ERBB4: variants seen among roughly 807,000 people sequenced by gnomAD.
ERBB4 encodes the protein erb-b2 receptor tyrosine kinase 4, also known as receptor tyrosine-protein kinase erbB-4.
Under a neutral mutation model 158.0 loss-of-function variants are expected in ERBB4, and 42 were observed. The observed-to-expected ratio is 0.27, with a 90% CI of 0.21 to 0.34. ERBB4 has a LOEUF of 0.34. Among genes scored for constraint, ERBB4 ranks in the 10% least tolerant of loss-of-function variants. ERBB4 has a pLI of 1.00. For synonymous variants in ERBB4, 583 were observed against 558.7 expected (o/e 1.04, Z -0.61); for missense variants, 1,333 against 1,624.1 (o/e 0.82, Z 3.08).
chr2:212,034,594 A>G lies in ERBB4; in HGVS notation c.235-86978T>C, dbSNP rs539172571. ...AAATTATAGTCATGTATTTCTTTAT[A>G]GAAATAGATAATGGGAGTACATAAA... On this transcript the variant is annotated intron_variant, in intron 2 of 27. Transcript: ENST00000342788. 3.3e-5 allele frequency among the ~76,000 whole-genome samples: 5 copies of G among 152,284 alleles called. No homozygotes were observed. The East Asian group carries it at 9.7e-4, about 29-fold the overall frequency.
chr2:211,734,782 G>A (rs191132667), intron 5 of ERBB4, among the ~76,000 whole-genome samples: 19 of 151,530 alleles, frequency 1.3e-4, no homozygotes, highest in Admixed American at 5.9e-4. Context: ...TTAGCCAGGC[G>A]TGGTGGCGGG....
At chr2:211,909,903 T>G (rs1173625799) in intron 3 of ERBB4, among the ~76,000 whole-genome samples, 1 of 151,716 alleles carries the variant, frequency 6.6e-6, no homozygotes, top group East Asian at 2.0e-4. Context: ...TCTGTATAAG[T>G]TAAGTTTAAT....
At chr2:212,231,296 A>T (rs989527494) in intron 1 of ERBB4, among the ~76,000 whole-genome samples, 1 of 152,198 alleles carries the variant, frequency 6.6e-6, no homozygotes, top group African/African-American at 2.4e-5. Context: ...CGAAAGGAAA[A>T]AAAAAACAGG....
intron 20 of ERBB4, among the ~76,000 whole-genome samples, chr2:211,513,436 G>A (rs529896203): frequency 1.6e-4 from 24 of 150,190 alleles, no homozygotes; most frequent in African/African-American, 5.4e-4. Flanking sequence ...CTTTTTTCAC[G>A]GGAAGTATTT....
intron 7 of ERBB4, among the ~76,000 whole-genome samples, chr2:211,720,854 G>A (rs139273836): frequency 1.3e-5 from 2 of 152,134 alleles, no homozygotes; most frequent in Non-Finnish European, 2.9e-5. Flanking sequence ...CCAAAAGCTT[G>A]ACTTTCTAAG....
At chr2:212,510,268 G>A (rs1314446830) in intron 1 of ERBB4, among the ~76,000 whole-genome samples, 2 of 146,784 alleles carry the variant, frequency 1.4e-5, no homozygotes, top group East Asian at 2.0e-4. Context: ...ACAACAACTT[G>A]AGTGATTTCC....
intron 20 of ERBB4, among the ~76,000 whole-genome samples, chr2:211,473,039 C>G (rs892371510): frequency 2.0e-5 from 3 of 151,734 alleles, no homozygotes; most frequent in Non-Finnish European, 2.9e-5. Flanking sequence ...TTACTATATA[C>G]GGGGAATCAA....
chr2:212,470,281 C>T (rs1314603703), intron 1 of ERBB4, among the ~76,000 whole-genome samples: 5 of 152,088 alleles, frequency 3.3e-5, no homozygotes, highest in African/African-American at 1.2e-4. Flanking sequence ...GTGCCAGCCT[C>T]TCTGTGCTTC....
chr2:211,563,823 CAT>C (rs1373085549), intron 19 of ERBB4, among the ~76,000 whole-genome samples: 2 of 151,944 alleles, frequency 1.3e-5, no homozygotes, highest in Non-Finnish European at 2.9e-5. Context: ...TGTGTCTATA[CAT>C]ATATATACAC....
In ERBB4 at chr2:212,399,585, TTG is replaced by T. The variant is rs377383911; in HGVS notation, c.82+138862_82+138863del. Among the ~76,000 whole-genome samples, 99 of 121,348 alleles carry T rather than the reference TTG, an allele frequency of 8.2e-4. 1 individual carries two copies. Among genetic ancestry groups the T allele is most frequent in the African/African-American group, 2.9e-3 (86 of 29,300 alleles). 79.6% of individuals were successfully genotyped at this position (121,348 alleles called of 152,430 possible). On this transcript the variant is annotated intron_variant, in intron 1 of 27. Coordinates refer to ENST00000342788, the MANE Select transcript of ERBB4 (RefSeq NM_005235.3). ...ATATATATATATATATATATATATA[TTG>T]GGCGTGGTGTCTTATGCCTGTAATC...
intron 1 of ERBB4, among the ~76,000 whole-genome samples, chr2:212,385,949 TA>T (rs2106424380): frequency 6.6e-6 from 1 of 152,026 alleles, no homozygotes; most frequent in Non-Finnish European, 1.5e-5. Flanking sequence ...TTTCTTTTTA[TA>T]AAAGTAGCTT....
At chr2:212,031,721 A>C (rs2076907226) in intron 2 of ERBB4, among the ~76,000 whole-genome samples, 1 of 152,126 alleles carries the variant, frequency 6.6e-6, no homozygotes, top group Admixed American at 6.6e-5. Context: ...AAAAAATTAA[A>C]TGGTAACTCT....
chr2:211,503,124 C>G (rs1448248132), intron 20 of ERBB4, among the ~76,000 whole-genome samples: 1 of 152,070 alleles, frequency 6.6e-6, no homozygotes, highest in African/African-American at 2.4e-5. Flanking sequence ...TCCTCTGAGA[C>G]CCTAGTTACA....
In ERBB4 at chr2:212,080,649, T is replaced by C. The variant is rs1260862361; in HGVS notation, c.234+44103A>G. On this transcript the variant is annotated intron_variant, in intron 2 of 27. Transcript: ENST00000342788. ...TTTAGCAGATGATTTTGCGACAAAGTTTTATCTCATTTTATGGTATAAATA... is the reference window on the plus strand; with the variant it reads ...TTTAGCAGATGATTTTGCGACAAAGCTTTATCTCATTTTATGGTATAAATA... Among the ~76,000 whole-genome samples, 4 of 144,878 alleles carry C rather than the reference T, an allele frequency of 2.8e-5. No homozygotes were observed. In the East Asian group the frequency reaches 8.4e-4, roughly 30 times the overall value.
chr2:211,929,965 C>T (rs1045488496), intron 3 of ERBB4, among the ~76,000 whole-genome samples: 1 of 152,006 alleles, frequency 6.6e-6, no homozygotes, highest in African/African-American at 2.4e-5. Context: ...TCTTATTTGC[C>T]TTTTGCTCAG....
intron 2 of ERBB4, among the ~76,000 whole-genome samples, chr2:212,004,690 A>G (rs1181252115): frequency 6.6e-6 from 1 of 152,008 alleles, no homozygotes; most frequent in African/African-American, 2.4e-5. Context: ...TGGGAGAAAG[A>G]CTCTGGTCTA....
At chr2:212,013,563 G>A (rs1265137678) in intron 2 of ERBB4, among the ~76,000 whole-genome samples, 1 of 152,106 alleles carries the variant, frequency 6.6e-6, no homozygotes, top group Non-Finnish European at 1.5e-5. Context: ...AGAGGGTTAG[G>A]GTAAGTCCTA....
intron 20 of ERBB4, among the ~76,000 whole-genome samples, chr2:211,435,657 G>A (rs2063833847): frequency 1.3e-5 from 2 of 152,172 alleles, no homozygotes; most frequent in African/African-American, 2.4e-5. Flanking sequence ...GTTGTGAACT[G>A]TGCATGCGAG....
At chr2:212,320,112 A>G (rs1434953593) in intron 1 of ERBB4, among the ~76,000 whole-genome samples, 1 of 149,690 alleles carries the variant, frequency 6.7e-6, no homozygotes. Context: ...GTGAGGGAAA[A>G]TTACGGATTA....
Sources: allele counts gnomAD v4.1 joint callset (sites outside exome capture counted in the v4.1 genomes callset), GRCh38; gene constraint gnomAD v4.1.1; transcripts MANE v1.5; gene names NCBI Gene and HGNC (gene_info 2026-07-23, HGNC 2026-07-21).